Variants in NTN3 observed in about 807,000 individuals in gnomAD.
NTN3 encodes the protein netrin 3.
A neutral mutation model predicts 37.2 loss-of-function variants in NTN3; 44 were observed. The observed-to-expected ratio is 1.18, with a 90% CI of 0.93 to 1.52. The LOEUF (loss-of-function observed/expected upper bound fraction) is 1.52, where lower values mean the gene tolerates loss of function less well. Ranked by LOEUF, NTN3 falls within the 40% of genes most tolerant of loss-of-function variation. The pLI is 0.00. For synonymous variants in NTN3, 385 were observed against 376.0 expected, an observed-to-expected ratio of 1.02 and a Z score of -0.28; for missense variants, 882 against 857.3, an observed-to-expected ratio of 1.03 and a Z score of -0.36.
In NTN3 at chr16:2,472,427, C is replaced by T. The variant is rs766264377; in HGVS notation, c.726C>T (p.Tyr242=). The T allele has an allele frequency of 1.2e-6, 2 of 1,612,134 alleles. No homozygotes were observed. Among genetic ancestry groups the T allele is most frequent in the Non-Finnish European group, 1.7e-6 (2 of 1,179,374 alleles). The change falls in exon 1 of 6, where the codon TAC becomes TAT. Residue 242 remains tyrosine, a synonymous_variant. Coordinates refer to ENST00000293973, the MANE Select transcript of NTN3 (RefSeq NM_006181.3). ...GGGACATGGAGGCCGTCGTCCCTTACTCCTACGCAGCCACCGACCTCCAGG... is the reference window on the plus strand; with the variant it reads ...GGGACATGGAGGCCGTCGTCCCTTATTCCTACGCAGCCACCGACCTCCAGG... ...DPRDMEAVVP[Y]SYAATDLQVG... is the part of the protein sequence containing the mutation.
In NTN3 at chr16:2,473,835, C is replaced by T; in HGVS notation, c.1473C>T (p.Phe491=). The change falls in exon 6 of 6, where the codon TTC becomes TTT. Residue 491 remains phenylalanine, a synonymous_variant. Transcript: ENST00000293973. ...TRFPVAVLAV[F]RSGEERARRG... ...TCCCGGTGGCGGTGCTCGCCGTGTT[C>T]CGGAGCGGAGAGGAGCGCGCGCGGC... 7.3e-7 allele frequency: 1 copy of T among 1,367,806 alleles called. No homozygotes were observed. Among genetic ancestry groups the T allele is most frequent in the Non-Finnish European group, 9.3e-7 (1 of 1,070,204 alleles). The allele number at this position is 1,367,806 out of a possible 1,614,324, so 84.7% of individuals were successfully genotyped here. A position where few individuals can be genotyped will look rare whatever the true frequency, so the allele number is the denominator to read the frequency against.
Position 2,473,618 on chromosome 16 carries a change from C to G in NTN3, c.1393+115C>G, listed in dbSNP as rs2065536983. 2.3e-6 allele frequency: 3 copies of G among 1,290,954 alleles called. No individual in the cohort carries two copies. In the South Asian group the frequency reaches 3.9e-5, roughly 17 times the overall value. 80.0% of individuals were successfully genotyped at this position (1,290,954 alleles called of 1,614,324 possible). On this transcript the variant is annotated intron_variant, in intron 5 of 5. Coordinates refer to ENST00000293973, the MANE Select transcript of NTN3 (RefSeq NM_006181.3). ...ACCCTTGCTGGGCCCCAAGGCCCAT[C>G]CTCATCCCTCAGGTCCTCCACGGGC... is the stretch of plus-strand genomic sequence containing the variant.
Position 2,472,301 on chromosome 16 carries a change from CCCAGGCCTGGACCTGGACAGCAGCCCA to C in NTN3, c.601_627del (p.Pro201_Pro209del). 1.2e-6 allele frequency: 2 copies of C among 1,607,852 alleles called. No individual in the cohort carries two copies. The highest frequency in any genetic ancestry group is 1.7e-6 in the Non-Finnish European group (2 of 1,176,586). ...CCTTCAGCATGCAGGACAGCAGCCC[CCCAGGCCTGGACCTGGACAGCAGCCCA>C]GTGCTCCAAGACTGGGTGACCGCCA... On this transcript the variant is annotated inframe_deletion, in exon 1 of 6. Coordinates refer to ENST00000293973, the MANE Select transcript of NTN3 (RefSeq NM_006181.3).
At position 2,472,256 on chromosome 16, in the gene NTN3, T is replaced by G; in HGVS notation, c.555T>G (p.Pro185=). Residue 185 remains proline, a synonymous_variant, in exon 1 of 6, where the codon CCT becomes CCG. Coordinates refer to ENST00000293973, the MANE Select transcript of NTN3 (RefSeq NM_006181.3). ...GCTTCCCCGCACCCCTGGCCCAGCC[T>G]GATGGCAGCGGCCTTCTGGCCTTCA... ...ALCFPAPLAQ[P]DGSGLLAFSM... The G allele has an allele frequency of 6.2e-7, 1 of 1,608,944 alleles. No homozygotes were observed. The highest frequency in any genetic ancestry group is 8.5e-7 in the Non-Finnish European group (1 of 1,178,008).
Position 2,473,886 on chromosome 16 carries a change from C to T in NTN3, c.1524C>T (p.Pro508=). 6 of 1,237,482 alleles carry T rather than the reference C, an allele frequency of 4.8e-6. No homozygotes were observed. Among genetic ancestry groups the T allele is most frequent in the Admixed American group, 4.3e-5 (1 of 23,132 alleles). 76.7% of individuals were successfully genotyped at this position (1,237,482 alleles called of 1,614,324 possible). The part of the protein sequence containing the change: ...ARRGSSALWV[P]AGDAACGCPR... ...GCGGGAGTAGCGCGCTGTGGGTGCC[C>T]GCCGGGGATGCGGCCTGCGGCTGCC... The change falls in exon 6 of 6, where the codon CCC becomes CCT. Residue 508 remains proline (P), a synonymous_variant. Transcript: ENST00000293973.
In NTN3 at chr16:2,471,986, G is replaced by T. The variant is rs368125600; in HGVS notation, c.285G>T (p.Ser95=). 11 of 1,600,056 alleles carry T rather than the reference G, an allele frequency of 6.9e-6. No homozygotes were observed. In the African/African-American group the frequency reaches 1.5e-4, roughly 21 times the overall value. The change falls in exon 1 of 6, where the codon TCG becomes TCT. Residue 95 remains serine, a synonymous_variant. Coordinates refer to ENST00000293973, the MANE Select transcript of NTN3 (RefSeq NM_006181.3). ...CGGCCAGCCCTCTGTGCTGGCGCTCGGAGTCCCTGCCTCGGGCGCCCCTCA... is the reference window on the plus strand; with the variant it reads ...CGGCCAGCCCTCTGTGCTGGCGCTCTGAGTCCCTGCCTCGGGCGCCCCTCA... ...GGTASPLCWR[S]ESLPRAPLNV...
chr16:2,472,571 C>G lies in NTN3; in HGVS notation c.870C>G (p.Pro290=), dbSNP rs768537029. 6.2e-7 allele frequency: 1 copy of G among 1,602,350 alleles called. No homozygotes were observed. The highest frequency in any genetic ancestry group is 1.1e-5 in the South Asian group (1 of 90,802). The change falls in exon 1 of 6, where the codon CCC becomes CCG. Residue 290 remains proline, a synonymous_variant. Transcript: ENST00000293973. ...GCCCTGACTGCGGCCGCTGCAAGCC[C>G]TTCTACTGCGACAGGCCATGGCAGC... The part of the protein sequence containing the change: ...TEGPDCGRCK[P]FYCDRPWQRA...
rs764172745 is a variant in NTN3 at position 2,472,519 on chromosome 16, T to C, written c.818T>C (p.Ile273Thr). The C allele has an allele frequency of 1.2e-6, 2 of 1,607,534 alleles. No individual in the cohort carries two copies. The highest frequency in any genetic ancestry group is 1.7e-6 in the Non-Finnish European group (2 of 1,178,640). The change falls in exon 1 of 6, where the codon ATC (isoleucine) becomes ACC (threonine). Residue 273 changes from isoleucine (I) to threonine (T), a missense_variant. Physicochemically the swap from Ile to Thr is moderately conservative, Grantham distance 89. Transcript: ENST00000293973. ...CTGCTGGACACACAGGGCCACCTGATCTGCGACTGTCGGCATGGCACCGAG... is the reference window on the plus strand; with the variant it reads ...CTGCTGGACACACAGGGCCACCTGACCTGCGACTGTCGGCATGGCACCGAG... The part of the protein sequence containing the change: ...RCLLDTQGHL[I>T]CDCRHGTEGP...
Position 2,471,669 on chromosome 16 carries a change from C to T in NTN3, c.-33C>T, listed in dbSNP as rs1483254838. On this transcript the variant is annotated 5_prime_UTR_variant, in exon 1 of 6. Coordinates refer to ENST00000293973, the MANE Select transcript of NTN3 (RefSeq NM_006181.3). The stretch of plus-strand genomic sequence containing the variant: ...TTCCCCAAGGGCAGCGTCTTGGGGC[C>T]CGGCCACTGGCTGACCCGCAGCGGC... The T allele has an allele frequency of 3.8e-5, 49 of 1,299,022 alleles. No homozygotes were observed. In the East Asian group the frequency reaches 1.5e-3, roughly 39 times the overall value. The allele number at this position is 1,299,022 out of a possible 1,614,324, so 80.5% of individuals were successfully genotyped here.
At position 2,471,882 on chromosome 16, in the gene NTN3, CG is replaced by C. The variant is rs1596945801; in HGVS notation, c.183del (p.Pro62ArgfsTer44). The C allele has an allele frequency of 2.5e-5, 37 of 1,477,190 alleles. 1 individual carries two copies. In the East Asian group the frequency reaches 9.1e-4, roughly 36 times the overall value. 91.5% of individuals were successfully genotyped at this position (1,477,190 alleles called of 1,614,324 possible). On this transcript the variant is annotated frameshift_variant, in exon 1 of 6. Coordinates refer to ENST00000293973, the MANE Select transcript of NTN3 (RefSeq NM_006181.3). LOFTEE classifies it high-confidence loss of function. ...REVLASSTCG[R>X]PATRACDASD... ...GGTGCTGGCTTCCAGCACGTGCGGG[CG>C]GCCGGCCACTCGGGCCTGCGACGCC...
Position 2,473,989 on chromosome 16 carries a change from G to C in NTN3, c.1627G>C (p.Gly543Arg). ...GAAAGGAGGR[G>R]PGLIAARGSL... ...CGCGGCTGGGGGCGCGGGGGGCCGG[G>C]GGCCCGGGCTCATCGCCGCCCGCGG... Residue 543 changes from glycine to arginine, a missense_variant, in exon 6 of 6, where the codon GGG (glycine) becomes CGG (arginine). Gly to Arg is a moderately radical substitution (Grantham distance 125, BLOSUM62 -2). Transcript: ENST00000293973. 1 of 1,173,124 alleles carries C rather than the reference G, an allele frequency of 8.5e-7. No homozygotes were observed. The highest frequency in any genetic ancestry group is 1.1e-6 in the Non-Finnish European group (1 of 950,506). 72.7% of individuals were successfully genotyped at this position (1,173,124 alleles called of 1,614,324 possible). A position where few individuals can be genotyped will look rare whatever the true frequency, so the allele number is the denominator to read the frequency against.
chr16:2,473,814 G>A lies in NTN3; in HGVS notation c.1452G>A (p.Pro484=), dbSNP rs2065538916. The change falls in exon 6 of 6, where the codon CCG becomes CCA. Residue 484 remains proline (P), a synonymous_variant. Transcript: ENST00000293973. ...GEARGAWTRF[P]VAVLAVFRSG... is the part of the protein sequence containing the mutation. ...CGCGCGGCGCGTGGACACGCTTCCCGGTGGCGGTGCTCGCCGTGTTCCGGA... is the reference window on the plus strand; with the variant it reads ...CGCGCGGCGCGTGGACACGCTTCCCAGTGGCGGTGCTCGCCGTGTTCCGGA... 4 of 1,391,280 alleles carry A rather than the reference G, an allele frequency of 2.9e-6. No homozygotes were observed. Among genetic ancestry groups the A allele is most frequent in the Non-Finnish European group, 2.8e-6 (3 of 1,083,110 alleles). The allele number at this position is 1,391,280 out of a possible 1,614,324, so 86.2% of individuals were successfully genotyped here.
chr16:2,471,853 G>A lies in NTN3; in HGVS notation c.152G>A (p.Arg51His). The change falls in exon 1 of 6, where the codon CGC becomes CAC. Residue 51 changes from arginine (R) to histidine (H), a missense_variant. By Grantham distance (29) the Arg-to-His change is conservative. Coordinates refer to ENST00000293973, the MANE Select transcript of NTN3 (RefSeq NM_006181.3). ...VPGLVNAALG[R>H]EVLASSTCGR... is the part of the protein sequence containing the mutation. ...GGACTGGTGAACGCCGCCCTGGGCCGCGAGGTGCTGGCTTCCAGCACGTGC... is the reference window on the plus strand; with the variant it reads ...GGACTGGTGAACGCCGCCCTGGGCCACGAGGTGCTGGCTTCCAGCACGTGC... The A allele has an allele frequency of 6.9e-7, 1 of 1,440,936 alleles. No individual in the cohort carries two copies. Among genetic ancestry groups the A allele is most frequent in the Non-Finnish European group, 9.1e-7 (1 of 1,097,492 alleles). 89.3% of individuals were successfully genotyped at this position (1,440,936 alleles called of 1,614,324 possible).
At chr16:2,473,729 C>A in intron 5 of NTN3, 27 bp from the exon 6 acceptor site, 2 of 1,423,354 alleles carry the variant, frequency 1.4e-6, no homozygotes, top group Non-Finnish European at 1.8e-6. Context: ...CCCTTCCTGA[C>A]CCCGCCCCCT....
At position 2,471,879 on chromosome 16, in the gene NTN3, G is replaced by A; in HGVS notation, c.178G>A (p.Gly60Arg). 6.8e-7 allele frequency: 1 copy of A among 1,474,098 alleles called. No homozygotes were observed. Among genetic ancestry groups the A allele is most frequent in the Non-Finnish European group, 9.0e-7 (1 of 1,111,328 alleles). 91.3% of individuals were successfully genotyped at this position (1,474,098 alleles called of 1,614,324 possible). A position where few individuals can be genotyped will look rare whatever the true frequency, so the allele number is the denominator to read the frequency against. The change falls in exon 1 of 6, where the codon GGG becomes AGG. Residue 60 changes from glycine (G) to arginine (R), a missense_variant. Gly to Arg is a moderately radical substitution (Grantham distance 125). Coordinates refer to ENST00000293973, the MANE Select transcript of NTN3 (RefSeq NM_006181.3). ...GREVLASSTCGRPATRACDAS... is the reference protein window; with the variant it reads ...GREVLASSTCRRPATRACDAS... ...CGAGGTGCTGGCTTCCAGCACGTGC[G>A]GGCGGCCGGCCACTCGGGCCTGCGA...
In NTN3 at chr16:2,472,068, C is replaced by T. The variant is rs1451202401; in HGVS notation, c.367C>T (p.Arg123Cys). Reference sequence around the variant, plus strand: ...TTTTGAGCTGGTCTTCGTGAGCCTGCGCTTCTGCTCAGCTCCCCCAGCCTC... The same window carrying T: ...TTTTGAGCTGGTCTTCGTGAGCCTGTGCTTCTGCTCAGCTCCCCCAGCCTC... ...KAFELVFVSL[R>C]FCSAPPASVA... The change falls in exon 1 of 6, where the codon CGC (arginine) becomes TGC (cysteine). Residue 123 changes from arginine (R) to cysteine (C), a missense_variant. Arg to Cys is a radical substitution (Grantham distance 180). Coordinates refer to ENST00000293973, the MANE Select transcript of NTN3 (RefSeq NM_006181.3). 15 of 1,607,058 alleles carry T rather than the reference C, an allele frequency of 9.3e-6. No homozygotes were observed. Among genetic ancestry groups the T allele is most frequent in the Middle Eastern group, 1.6e-4 (1 of 6,068 alleles).
In NTN3 at chr16:2,473,490, C is replaced by T; in HGVS notation, c.1380C>T (p.Cys460=). The change falls in exon 5 of 6, where the codon TGC becomes TGT. Residue 460 remains cysteine (C), a synonymous_variant. Transcript: ENST00000293973. ...ACCGCATCAGCCTAAAGAAGTTCTG[C>T]AAGAAGGACTATGGTAGGTGCCCTC... is the stretch of plus-strand genomic sequence containing the variant. ...GSYRISLKKF[C]KKDYAVQVAV... 1 of 1,612,982 alleles carries T rather than the reference C, an allele frequency of 6.2e-7. No homozygotes were observed. The highest frequency in any genetic ancestry group is 1.1e-5 in the South Asian group (1 of 91,088).
Position 2,473,015 on chromosome 16 carries a change from G to A in NTN3, c.1148G>A (p.Gly383Asp). 6 of 1,608,142 alleles carry A rather than the reference G, an allele frequency of 3.7e-6. No individual in the cohort carries two copies. The highest frequency in any genetic ancestry group is 3.4e-6 in the Non-Finnish European group (4 of 1,177,146). Residue 383 changes from glycine to aspartate, a missense_variant, in exon 3 of 6, where the codon GGC (glycine) becomes GAC (aspartate). Gly to Asp is a moderately conservative substitution (Grantham distance 94, BLOSUM62 -1). Coordinates refer to ENST00000293973, the MANE Select transcript of NTN3 (RefSeq NM_006181.3). Reference sequence around the variant, plus strand: ...GACTGTCACCCGGTTGGTGCTGCTGGCAAGACCTGCAACCAGACCACAGGC... The same window carrying A: ...GACTGTCACCCGGTTGGTGCTGCTGACAAGACCTGCAACCAGACCACAGGC... ...ACDCHPVGAAGKTCNQTTGQC... is the reference protein window; with the variant it reads ...ACDCHPVGAADKTCNQTTGQC...
At position 2,471,408 on chromosome 16, in the gene NTN3, T is replaced by G; in HGVS notation, c.-294T>G. 3.8e-6 allele frequency: 1 copy of G among 262,866 alleles called. No individual in the cohort carries two copies. Among genetic ancestry groups the G allele is most frequent in the Non-Finnish European group, 7.2e-6 (1 of 139,772 alleles). The allele number at this position is 262,866 out of a possible 1,614,324, so 16.3% of individuals were successfully genotyped here. A position where few individuals can be genotyped will look rare whatever the true frequency, so the allele number is the denominator to read the frequency against. ...CCGGGAGACCTGCTCCGCCCGGCCC[T>G]CGGTGGGTGAGTGCGAGCGGCGGGT... On this transcript the variant is annotated 5_prime_UTR_variant, in exon 1 of 6. Transcript: ENST00000293973.
Sources: allele counts gnomAD v4.1 joint callset, GRCh38; gene constraint gnomAD v4.1.1; transcripts MANE v1.5; gene names NCBI Gene and HGNC (gene_info 2026-07-23, HGNC 2026-07-21).